Variants in RELL1 observed in about 807,000 individuals in gnomAD.
The protein encoded by RELL1 is RELT-like protein 1.
Under a neutral mutation model 23.0 loss-of-function variants are expected in RELL1, and 10 were observed. The observed-to-expected ratio is 0.43, with a 90% CI of 0.27 to 0.74. The LOEUF is 0.74. RELL1 is among the 30% of genes least tolerant of loss of function. The probability of loss-of-function intolerance (pLI) is 0.19; values close to 1 mark genes in which losing one functional copy is unlikely to be tolerated. For synonymous variants in RELL1, 146 were observed against 146.8 expected, an observed-to-expected ratio of 0.99 and a Z score of 0.04; for missense variants, 315 against 364.4, an observed-to-expected ratio of 0.86 and a Z score of 1.10.
downstream of RELL1, among the ~76,000 whole-genome samples, chr4:37,606,239 GAGAA>G (rs36190794): frequency 0.29 from 43,958 of 150,970 alleles, 8,199 homozygotes; most frequent in Non-Finnish European, 0.41. This position sits in a 1 kb window ranked among gnomAD's most constrained non-coding sequence, Gnocchi z 4.1. Context: ...AAGAAGACAA[GAGAA>G]AGAAAGAAAG....
At chr4:37,619,343 T>C (rs1719690395) in intron 6 of RELL1, among the ~76,000 whole-genome samples, 1 of 150,472 alleles carries the variant, frequency 6.6e-6, no homozygotes, top group Non-Finnish European at 1.5e-5. Flanking sequence ...GCATCACACC[T>C]GGCTAATTTT....
chr4:37,667,901 G>A (rs1219151171), intron 1 of RELL1, among the ~76,000 whole-genome samples: 1 of 151,710 alleles, frequency 6.6e-6, no homozygotes, highest in Non-Finnish European at 1.5e-5. Context: ...GAAACACTTT[G>A]TATGAAGGGA....
intron 6 of RELL1, among the ~76,000 whole-genome samples, chr4:37,617,612 G>A (rs998109015): frequency 1.3e-5 from 2 of 152,076 alleles, no homozygotes; most frequent in African/African-American, 2.4e-5. Context: ...GTGAAACCAC[G>A]TCTCTACTAA....
downstream of RELL1, among the ~76,000 whole-genome samples, chr4:37,607,681 G>C (rs1719265791): frequency 6.6e-6 from 1 of 150,632 alleles, no homozygotes. Flanking sequence ...CCAGGTTCAA[G>C]CAATTCCCCT....
At chr4:37,650,234 T>C (rs1177236387) in intron 1 of RELL1, among the ~76,000 whole-genome samples, 1 of 152,212 alleles carries the variant, frequency 6.6e-6, no homozygotes, top group Non-Finnish European at 1.5e-5. Flanking sequence ...TAGGAGGATT[T>C]AGTAAACTAG....
At chr4:37,653,425 TTCAATACAAGTATTGAATAC>T (rs1721020725) in intron 1 of RELL1, among the ~76,000 whole-genome samples, 4 of 86,692 alleles carry the variant, frequency 4.6e-5, no homozygotes, top group South Asian at 3.9e-4. Flanking sequence ...AACCTCAATA[TTCAATACAAGTATTGAATAC>T]TCAATACAAG....
At chr4:37,680,931 CAAA>C (rs397992973) in intron 1 of RELL1, among the ~76,000 whole-genome samples, 12,185 of 73,002 alleles carry the variant, frequency 0.17, 453 homozygotes, top group Non-Finnish European at 0.19. Flanking sequence ...CACTCCATCT[CAAA>C]AAAAAAAAAA....
At chr4:37,591,049 A>C (rs576754765) in exon 7 of RELL1, 2 of 1,506,126 alleles carry the variant, frequency 1.3e-6, no homozygotes, top group East Asian at 4.5e-5. Context: ...CTGAGCATGC[A>C]GATGCATTTG....
At position 37,610,853 on chromosome 4, in the gene RELL1, AG is replaced by A. The variant is rs1280789348; in HGVS notation, c.*2492del. Among the ~76,000 whole-genome samples the A allele has an allele frequency of 6.6e-6, 1 of 152,176 alleles. No homozygotes were observed. The highest frequency in any genetic ancestry group is 1.5e-5 in the Non-Finnish European group (1 of 68,042). On this transcript the variant is annotated 3_prime_UTR_variant, in exon 7 of 7. Transcript: ENST00000454158. This position sits in a 1 kb window ranked among gnomAD's most constrained non-coding sequence, Gnocchi z 4.1. Reference sequence around the variant, plus strand: ...GTTGTGGATTCCCTCATCCTTAGAAAGGAGGAGGAGTAACACAAGACCTGTA... The same window carrying A: ...GTTGTGGATTCCCTCATCCTTAGAAAGAGGAGGAGTAACACAAGACCTGTA...
downstream of RELL1, among the ~76,000 whole-genome samples, chr4:37,608,119 C>T (rs1323862276): frequency 2.0e-5 from 3 of 152,118 alleles, no homozygotes; most frequent in Admixed American, 6.5e-5. Context: ...TCCAACTGCC[C>T]GACCAACCAG....
intron 6 of RELL1, among the ~76,000 whole-genome samples, chr4:37,625,498 C>T (rs909770360): frequency 6.6e-6 from 1 of 151,948 alleles, no homozygotes; most frequent in African/African-American, 2.4e-5. Context: ...ATAAGAAACA[C>T]AAACAACTCA....
intron 1 of RELL1, among the ~76,000 whole-genome samples, chr4:37,668,014 G>C (rs1334046183): frequency 6.6e-6 from 1 of 151,712 alleles, no homozygotes; most frequent in Non-Finnish European, 1.5e-5. Context: ...GAGCTTAAAT[G>C]GTCCCAGTTT....
chr4:37,603,718 G>A (rs1250330403), intron 6 of RELL1, among the ~76,000 whole-genome samples: 2 of 152,210 alleles, frequency 1.3e-5, no homozygotes, highest in African/African-American at 2.4e-5. Context: ...GGCTGGTGGA[G>A]ACTATATTTC....
At chr4:37,610,509 C>T (rs1005220373), downstream of RELL1, among the ~76,000 whole-genome samples, 1 of 152,070 alleles carries the variant, frequency 6.6e-6, no homozygotes, top group Non-Finnish European at 1.5e-5. This position sits in a 1 kb window ranked among gnomAD's most constrained non-coding sequence, Gnocchi z 4.1. Flanking sequence ...GCCAAGTGAT[C>T]ACTTGATATT....
intron 6 of RELL1, among the ~76,000 whole-genome samples, chr4:37,624,786 A>G (rs1719886916): frequency 6.6e-6 from 1 of 152,146 alleles, no homozygotes; most frequent in African/African-American, 2.4e-5. Context: ...CCAAATTCCT[A>G]AGGGACTTGA....
At chr4:37,605,835 GAAAGAAAGAAGGA>G (rs1272237780), downstream of RELL1, among the ~76,000 whole-genome samples, 140 of 110,584 alleles carry the variant, frequency 1.3e-3, 4 homozygotes, top group Middle Eastern at 9.3e-3. Flanking sequence ...AAGAAAGAAA[GAAAGAAAGAAGGA>G]AAAGAAAAGA....
downstream of RELL1, chr4:37,590,504 T>G (rs557428243): frequency 6.2e-7 from 1 of 1,614,046 alleles, no homozygotes; most frequent in South Asian, 1.1e-5. Context: ...TGTGTGCTGC[T>G]GGCCTCAGAA....
chr4:37,653,884 T>C lies in RELL1; in HGVS notation c.89-4384A>G, dbSNP rs964465557. ...TCAACTTATCAGCCAGTAATAGCCATAATAAAAGTAGATCCTATAGTCCCA... is the reference window on the plus strand; with the variant it reads ...TCAACTTATCAGCCAGTAATAGCCACAATAAAAGTAGATCCTATAGTCCCA... On this transcript the variant is annotated intron_variant, in intron 1 of 6. Transcript: ENST00000454158. 7.5e-4 allele frequency among the ~76,000 whole-genome samples: 114 copies of C among 152,328 alleles called. 1 individual carries two copies. In the Middle Eastern group the frequency reaches 0.01, roughly 14 times the overall value.
At chr4:37,626,432 T>C (rs1245508628) in intron 6 of RELL1, among the ~76,000 whole-genome samples, 1 of 152,154 alleles carries the variant, frequency 6.6e-6, no homozygotes, top group Non-Finnish European at 1.5e-5. Flanking sequence ...GAGCCGAGAT[T>C]GTCCCACTGC....
Sources: gnomAD v4.1 joint callset for allele counts (sites outside exome capture counted in the v4.1 genomes callset) on GRCh38, gnomAD v4.1.1 for gene constraint, Gnocchi (gnomAD v3.1) non-coding constraint, MANE v1.5 for transcripts, NCBI Gene and HGNC (gene_info 2026-07-23, HGNC 2026-07-21) for gene names.